Variants in LY75 observed in about 807,000 individuals in gnomAD.
LY75 encodes the protein lymphocyte antigen 75.
In LY75, 185 loss-of-function variants were observed where a neutral mutation model predicts 231.7. The observed-to-expected ratio is 0.80, with a 90% CI of 0.71 to 0.90. The LOEUF (loss-of-function observed/expected upper bound fraction) is 0.90. Among genes scored for constraint, LY75 ranks in the 40% least tolerant of loss-of-function variants. The pLI, the probability that LY75 is intolerant of heterozygous loss-of-function variation, is 0.00. For synonymous variants in LY75, 668 were observed against 689.0 expected (o/e 0.97, Z 0.48); for missense variants, 1,947 against 2,050.2 (o/e 0.95, Z 0.97).
chr2:159,852,412 GTTTTTTTTTGTTT>G (rs1560081893), intron 20 of LY75, 72 bp from the exon 21 acceptor site: 3 of 1,459,450 alleles, frequency 2.1e-6, no homozygotes, highest in Non-Finnish European at 2.7e-6. Context: ...TGTTTTGTGT[GTTTTTTTTTGTTT>G]TTTTTTTTTT....
chr2:159,835,740 T>C, intron 25 of LY75, 95 bp from the exon 26 acceptor site: 1 of 1,468,406 alleles, frequency 6.8e-7, no homozygotes, highest in Non-Finnish European at 9.1e-7. Flanking sequence ...TTTTTAATTT[T>C]TTTAATATTT....
At chr2:159,835,688 T>C in intron 25 of LY75, 43 bp from the exon 26 acceptor site, 1 of 1,595,328 alleles carries the variant, frequency 6.3e-7, no homozygotes, top group Non-Finnish European at 8.5e-7. Flanking sequence ...ATATTGATGT[T>C]AACCCTTTGT....
rs1347401519 is a variant in LY75 at position 159,874,915 on chromosome 2, T to C, written c.1974+529A>G. Among the ~76,000 whole-genome samples, 3 of 138,158 alleles carry C rather than the reference T, an allele frequency of 2.2e-5. No homozygotes were observed. The East Asian group carries it at 6.3e-4, about 29-fold the overall frequency. 90.6% of individuals were successfully genotyped at this position (138,158 alleles called of 152,430 possible). On this transcript the variant is annotated intron_variant, in intron 12 of 34. Coordinates refer to ENST00000263636, the MANE Select transcript of LY75 (RefSeq NM_002349.4). Reference sequence around the variant, plus strand: ...TAAATATATAAACATATATATTTTATAAATATATTTATAAATATATATATT... The same window carrying C: ...TAAATATATAAACATATATATTTTACAAATATATTTATAAATATATATATT...
chr2:159,872,623 A>C (rs1397705), intron 12 of LY75, 30 bp from the exon 13 acceptor site: 1,518,729 of 1,601,372 alleles, frequency 0.95, 724,556 homozygotes, highest in East Asian at 1. Flanking sequence ...AATTTGTTTT[A>C]TGGTATTATC....
At chr2:159,849,869 C>T in intron 23 of LY75, 111 bp downstream of exon 23, 1 of 1,382,274 alleles carries the variant, frequency 7.2e-7, no homozygotes, top group Non-Finnish European at 9.7e-7. Context: ...CTATTCTGGA[C>T]ATTTCATACA....
chr2:159,868,428 A>C (rs1684916227), intron 13 of LY75, among the ~76,000 whole-genome samples: 1 of 152,220 alleles, frequency 6.6e-6, no homozygotes, highest in Admixed American at 6.5e-5. Context: ...AAGGGTTTAC[A>C]CTAAGGGTTT....
intron 23 of LY75, among the ~76,000 whole-genome samples, chr2:159,844,534 A>G (rs1185913502): frequency 1.3e-5 from 2 of 152,084 alleles, no homozygotes; most frequent in Non-Finnish European, 2.9e-5. Flanking sequence ...GGTATTTGCC[A>G]TGGAAATTCT....
At chr2:159,895,866 C>A (rs1432096121) in intron 2 of LY75, among the ~76,000 whole-genome samples, 5 of 152,206 alleles carry the variant, frequency 3.3e-5, no homozygotes, top group Non-Finnish European at 7.3e-5. Context: ...ATTCACTAAG[C>A]ATTTTGTTCC....
intron 31 of LY75, chr2:159,813,913 G>A (rs6432565): frequency 0.37 from 56,289 of 151,994 alleles, 11,218 homozygotes; most frequent in Admixed American, 0.51. Context: ...TTTTTCTAAA[G>A]AGTTACATTT....
At chr2:159,886,395 G>A (rs765609593) in intron 5 of LY75, 25 bp downstream of exon 5, 1 of 1,597,018 alleles carries the variant, frequency 6.3e-7, no homozygotes, top group South Asian at 1.1e-5. Context: ...GTTCTGTGCA[G>A]AGGGGGTAGG....
In LY75 at chr2:159,878,448, T is replaced by C. The variant is rs1451725053; in HGVS notation, c.1650A>G (p.Lys550=). 2 of 1,613,980 alleles carry C rather than the reference T, an allele frequency of 1.2e-6. No homozygotes were observed. Among genetic ancestry groups the C allele is most frequent in the African/African-American group, 2.7e-5 (2 of 74,938 alleles). Residue 550 remains lysine (K), a synonymous_variant, in exon 11 of 35, where the codon AAA becomes AAG. Coordinates refer to ENST00000263636, the MANE Select transcript of LY75 (RefSeq NM_002349.4). ...YLNDLMKKYD[K]SLRKYFWTGL... ...CAGTCCAGAAGTATTTTCTTAGAGATTTATCATACTTTTTCATCAAATCAT... is the reference window on the plus strand; with the variant it reads ...CAGTCCAGAAGTATTTTCTTAGAGACTTATCATACTTTTTCATCAAATCAT...
chr2:159,888,416 T>G (rs953865799), intron 4 of LY75, among the ~76,000 whole-genome samples: 1 of 152,218 alleles, frequency 6.6e-6, no homozygotes, highest in Non-Finnish European at 1.5e-5. Context: ...CAATTCTATA[T>G]GTTGATATTC....
At chr2:159,861,915 G>A (rs1684716485) in intron 14 of LY75, among the ~76,000 whole-genome samples, 1 of 151,864 alleles carries the variant, frequency 6.6e-6, no homozygotes, top group South Asian at 2.1e-4. Context: ...AACACTTTGG[G>A]AGGCTAAGAT....
intron 30 of LY75, among the ~76,000 whole-genome samples, chr2:159,815,830 T>C (rs926904488): frequency 5.9e-5 from 9 of 152,236 alleles, no homozygotes; most frequent in African/African-American, 1.9e-4. Context: ...CAGATTTTTT[T>C]GAAGGATGAG....
chr2:159,878,231 C>T lies in LY75; in HGVS notation c.1774+93G>A. 2.7e-6 allele frequency: 4 copies of T among 1,502,200 alleles called. No individual in the cohort carries two copies. The South Asian group carries it at 5.4e-5, about 20-fold the overall frequency. 93.1% of individuals were successfully genotyped at this position (1,502,200 alleles called of 1,614,324 possible). On this transcript the variant is annotated intron_variant, in intron 11 of 34. Transcript: ENST00000263636. ...CAATCCTGAAGATCATCATGTCCCT[C>T]ACATTTCAAAAGTAAGTGAGGAACA...
In LY75 at chr2:159,837,165, G is replaced by A. The variant is rs115434284; in HGVS notation, c.3508-1520C>T. On this transcript the variant is annotated intron_variant, in intron 25 of 34. Transcript: ENST00000263636. The stretch of plus-strand genomic sequence containing the variant: ...GTATATACCCAGAGGAAAACAAATC[G>A]TTCTACCAAAATACACCTGCGCTCA... 4.7e-3 allele frequency among the ~76,000 whole-genome samples: 712 copies of A among 152,184 alleles called. 2 individuals carry two copies. The highest frequency in any genetic ancestry group is 8.2e-3 in the Non-Finnish European group (559 of 68,002).
At chr2:159,851,939 A>G (rs562689561) in intron 21 of LY75, among the ~76,000 whole-genome samples, 1 of 152,338 alleles carries the variant, frequency 6.6e-6, no homozygotes, top group African/African-American at 2.4e-5. Flanking sequence ...CAATCCCTCA[A>G]CAGATCAACT....
chr2:159,896,633 C>A (rs1444778563), intron 2 of LY75, among the ~76,000 whole-genome samples: 1 of 152,106 alleles, frequency 6.6e-6, no homozygotes, highest in Non-Finnish European at 1.5e-5. Flanking sequence ...GAGAAAGTCC[C>A]TAACTTAAGA....
chr2:159,821,082 T>A (rs867492925), intron 28 of LY75, among the ~76,000 whole-genome samples: 38 of 152,184 alleles, frequency 2.5e-4, no homozygotes, highest in Middle Eastern at 3.4e-3. Context: ...TCATAATCCA[T>A]CCGCCTTGGC....
Sources: gnomAD v4.1 joint callset for allele counts (sites outside exome capture counted in the v4.1 genomes callset) on GRCh38, gnomAD v4.1.1 for gene constraint, MANE v1.5 for transcripts, NCBI Gene and HGNC (gene_info 2026-07-23, HGNC 2026-07-21) for gene names.